Variants in P4HTM observed in about 807,000 individuals in gnomAD.
The protein encoded by P4HTM is prolyl 4-hydroxylase, transmembrane.
P4HTM carries 33 observed loss-of-function variants against 55.3 expected under a neutral mutation model. That is an observed-to-expected ratio of 0.60 (90% CI 0.45 to 0.80). The LOEUF (loss-of-function observed/expected upper bound fraction) is 0.80. P4HTM is among the 30% of genes least tolerant of loss of function. The pLI is 0.00. For synonymous variants in P4HTM, 272 were observed against 286.4 expected (o/e 0.95, Z 0.51); for missense variants, 542 against 696.5 (o/e 0.78, Z 2.50).
intron 4 of P4HTM, 39 bp from the exon 5 acceptor site, chr3:49,004,059 A>G: frequency 1.3e-6 from 2 of 1,533,544 alleles, no homozygotes; most frequent in Non-Finnish European, 1.8e-6. Context: ...GCCTCCCAAT[A>G]TGGGCTTGGT....
chr3:49,006,861 A>G lies in P4HTM; in HGVS notation c.1463A>G (p.Glu488Gly). 1 of 1,613,082 alleles carries G rather than the reference A, an allele frequency of 6.2e-7. No individual in the cohort carries two copies. The highest frequency in any genetic ancestry group is 8.5e-7 in the Non-Finnish European group (1 of 1,179,976). ...GAAGGGGGCACCGACTCACAGCCCGAGTGGGCTCTGGACCGGGCCTACCGC... is the reference window on the plus strand; with the variant it reads ...GAAGGGGGCACCGACTCACAGCCCGGGTGGGCTCTGGACCGGGCCTACCGC... ...AREGGTDSQP[E>G]WALDRAYRDA... The change falls in exon 9 of 9, where the codon GAG becomes GGG. Residue 488 changes from glutamate (E) to glycine (G), a missense_variant. By Grantham distance (98) the Glu-to-Gly change is moderately conservative (BLOSUM62 -2). This residue lies in a region of P4HTM where 536 missense variants were observed against 672.1 expected (regional missense o/e 0.80). Coordinates refer to ENST00000383729, the MANE Select transcript of P4HTM (RefSeq NM_177939.3).
At position 48,990,438 on chromosome 3, in the gene P4HTM, TC is replaced by T; in HGVS notation, c.184del (p.Leu62TrpfsTer3). On this transcript the variant is annotated frameshift_variant, in exon 1 of 9. Transcript: ENST00000383729. LOFTEE classifies it high-confidence loss of function. This position sits in a 1 kb window ranked among gnomAD's most constrained non-coding sequence, Gnocchi z 7.2. The stretch of plus-strand genomic sequence containing the variant: ...CGCGGCATCTGCTCGCGCGCCTACT[TC>T]CTGGTGCTGATGGTGTTCGTGCACC... ...KPRGICSRAY[F>X]LVLMVFVHLY... 6.2e-7 allele frequency: 1 copy of T among 1,609,350 alleles called. No homozygotes were observed. The highest frequency in any genetic ancestry group is 8.5e-7 in the Non-Finnish European group (1 of 1,179,162).
intron 4 of P4HTM, chr3:49,003,879 T>G: frequency 5.7e-6 from 3 of 522,806 alleles, no homozygotes; most frequent in East Asian, 3.3e-5. Flanking sequence ...GGGCTTAAAC[T>G]GAGAAAAGGA....
rs1249946379 is a variant in P4HTM at position 48,992,055 on chromosome 3, C to A, written c.436+1141C>A. 4 of 152,146 alleles carry A rather than the reference C, an allele frequency of 2.6e-5. No individual in the cohort carries two copies. In the South Asian group the frequency reaches 6.2e-4, roughly 24 times the overall value. The allele number at this position is 152,146 out of a possible 1,614,324, so 9.4% of individuals were successfully genotyped here. ...TCAGTCCTGTTGTGGGAGAGGCACCCAAAGCTGGTTGTTGTTATTATTACT... is the reference window on the plus strand; with the variant it reads ...TCAGTCCTGTTGTGGGAGAGGCACCAAAAGCTGGTTGTTGTTATTATTACT... On this transcript the variant is annotated intron_variant, in intron 2 of 8. Coordinates refer to ENST00000383729, the MANE Select transcript of P4HTM (RefSeq NM_177939.3).
chr3:48,996,434 T>A (rs2092945838), intron 2 of P4HTM: 1 of 152,172 alleles, frequency 6.6e-6, no homozygotes, highest in Non-Finnish European at 1.5e-5. Flanking sequence ...CCATCTCGAC[T>A]CACTGCAACC....
At chr3:49,001,978 C>G (rs2092962518) in intron 3 of P4HTM, among the ~76,000 whole-genome samples, 1 of 152,270 alleles carries the variant, frequency 6.6e-6, no homozygotes, top group Non-Finnish European at 1.5e-5. Context: ...GCCTGCCTCT[C>G]TCTCTGCATA....
chr3:49,004,647 T>C (rs1178020967), intron 5 of P4HTM: 2 of 596,224 alleles, frequency 3.4e-6, no homozygotes, highest in Non-Finnish European at 6.0e-6. Context: ...CATTTCCACA[T>C]AGCAGGTGTC....
At chr3:48,995,413 C>G (rs963936085) in intron 2 of P4HTM, among the ~76,000 whole-genome samples, 1 of 152,210 alleles carries the variant, frequency 6.6e-6, no homozygotes, top group African/African-American at 2.4e-5. Flanking sequence ...CCCAGGCACC[C>G]TGTTGCATCA....
At chr3:48,990,012 G>C (rs970655285), upstream of P4HTM, 1 of 187,538 alleles carries the variant, frequency 5.3e-6, no homozygotes, top group Non-Finnish European at 1.1e-5. The surrounding 1 kb of genome is among the most constrained non-coding windows in gnomAD (Gnocchi z 7.2). Context: ...CTGACTTGGA[G>C]AGTGTACAGC....
chr3:48,995,222 C>A (rs2092942195), intron 2 of P4HTM, among the ~76,000 whole-genome samples: 1 of 152,186 alleles, frequency 6.6e-6, no homozygotes, highest in Non-Finnish European at 1.5e-5. Flanking sequence ...TCCATTTACT[C>A]CCTGCTGATC....
In P4HTM at chr3:48,999,157, G is replaced by C. The variant is rs1194422265; in HGVS notation, c.437-2281G>C. 6.6e-6 allele frequency: 1 copy of C among 152,210 alleles called. No individual in the cohort carries two copies. Among genetic ancestry groups the C allele is most frequent in the East Asian group, 1.9e-4 (1 of 5,176 alleles). 9.4% of individuals were successfully genotyped at this position (152,210 alleles called of 1,614,324 possible). On this transcript the variant is annotated intron_variant, in intron 2 of 8. Coordinates refer to ENST00000383729, the MANE Select transcript of P4HTM (RefSeq NM_177939.3). The surrounding 1 kb of genome is among the most constrained non-coding windows in gnomAD (Gnocchi z 4.8). ...GCGCCCAGCCCTGATAGGTGCTCAG[G>C]TGCTCAGCAAGGATTACTGAAGACC...
intron 2 of P4HTM, among the ~76,000 whole-genome samples, chr3:48,993,301 CAAAAA>C (rs11312212): frequency 8.1e-6 from 1 of 122,856 alleles, no homozygotes. Flanking sequence ...AACTCCATCT[CAAAAA>C]AAAAAAAAAA....
chr3:49,001,372 G>T, intron 2 of P4HTM, 66 bp from the exon 3 acceptor site: 1 of 1,479,532 alleles, frequency 6.8e-7, no homozygotes, highest in South Asian at 1.1e-5. Flanking sequence ...CCTGAAGGGA[G>T]GAAGGTACTG....
rs920250169 is a variant in P4HTM at position 48,990,924 on chromosome 3, C to T, written c.436+10C>T. ...AAGCCGCTGCTCTTCGGTAAGTCCG[C>T]CAGATACTCCTGGGAAGGGCCAGGG... On this transcript the variant is annotated intron_variant, in intron 2 of 8. Coordinates refer to ENST00000383729, the MANE Select transcript of P4HTM (RefSeq NM_177939.3). This position sits in a 1 kb window ranked among gnomAD's most constrained non-coding sequence, Gnocchi z 7.2. The T allele has an allele frequency of 1.9e-6, 3 of 1,610,520 alleles. No homozygotes were observed. Among genetic ancestry groups the T allele is most frequent in the East Asian group, 4.5e-5 (2 of 44,832 alleles).
chr3:49,004,427 A>G (rs1330145371), intron 5 of P4HTM, 167 bp downstream of exon 5: 5 of 707,036 alleles, frequency 7.1e-6, no homozygotes, highest in African/African-American at 3.6e-5. Context: ...GCAATTAACA[A>G]AGGCAAATTA....
chr3:48,997,527 C>G (rs2092949386), intron 2 of P4HTM: 1 of 152,368 alleles, frequency 6.6e-6, no homozygotes, highest in African/African-American at 2.4e-5. Flanking sequence ...AGAACCTGAC[C>G]TTCACTGCTG....
intron 5 of P4HTM, 49 bp from the exon 6 acceptor site, chr3:49,004,812 A>T: frequency 6.4e-7 from 1 of 1,563,204 alleles, no homozygotes; most frequent in Non-Finnish European, 8.6e-7. Flanking sequence ...GCTCCTTCAG[A>T]TCACCACCTT....
At chr3:49,003,066 C>A in intron 4 of P4HTM, 1 of 306,508 alleles carries the variant, frequency 3.3e-6, no homozygotes, top group Non-Finnish European at 6.4e-6. Context: ...TGGAGTCATG[C>A]CGAAGCGCCT....
At position 49,006,668 on chromosome 3, in the gene P4HTM, C is replaced by T. The variant is rs747049579; in HGVS notation, c.1289-19C>T. The stretch of plus-strand genomic sequence containing the variant: ...CTGGCCAGCCCAGCCTAGGATCTCA[C>T]GTCACCCTCCTCTTCTAGGTTGGGT... On this transcript the variant is annotated intron_variant, in intron 8 of 8. Transcript: ENST00000383729. 2.5e-6 allele frequency: 4 copies of T among 1,608,786 alleles called. No homozygotes were observed. The highest frequency in any genetic ancestry group is 3.4e-6 in the Non-Finnish European group (4 of 1,175,878).
Sources: gnomAD v4.1 joint callset for allele counts (sites outside exome capture counted in the v4.1 genomes callset) on GRCh38, gnomAD v4.1.1 for gene constraint, gnomAD v4.1.1 regional missense constraint, Gnocchi (gnomAD v3.1) non-coding constraint, MANE v1.5 for transcripts, NCBI Gene and HGNC (gene_info 2026-07-23, HGNC 2026-07-21) for gene names.